DOCK9: variants seen among roughly 807,000 people sequenced by gnomAD.
DOCK9 encodes dedicator of cytokinesis 9.
In DOCK9, 89 loss-of-function variants were observed where a neutral mutation model predicts 263.3. That is an observed-to-expected ratio of 0.34 (90% CI 0.28 to 0.40). DOCK9 has a LOEUF of 0.40. Among genes scored for constraint, DOCK9 ranks in the 10% least tolerant of loss-of-function variants. The probability of loss-of-function intolerance (pLI) is 1.00; values close to 1 mark genes in which losing one functional copy is unlikely to be tolerated. For missense variants in DOCK9, 2,140 were observed against 2,603.4 expected (o/e 0.82, Z 3.87); for synonymous variants, 976 against 973.1 (o/e 1.00, Z -0.06).
At chr13:98,837,440 C>A in intron 39 of DOCK9, 54 bp downstream of exon 39, 1 of 1,267,034 alleles carries the variant, frequency 7.9e-7, no homozygotes, top group Non-Finnish European at 1.1e-6. Flanking sequence ...GCTTACCAAG[C>A]AGAATGAATG....
intron 1 of DOCK9, among the ~76,000 whole-genome samples, chr13:98,975,572 G>A (rs2060191916): frequency 6.6e-6 from 1 of 151,500 alleles, no homozygotes; most frequent in Non-Finnish European, 1.5e-5. Context: ...ATTAATAATG[G>A]TCACCACTGG....
chr13:99,073,605 G>A (rs2041787600), intron 1 of DOCK9, among the ~76,000 whole-genome samples: 2 of 152,132 alleles, frequency 1.3e-5, no homozygotes, highest in Admixed American at 6.5e-5. Context: ...TAAGGCTAGG[G>A]GGTTGGCAGC....
chr13:99,055,425 G>T (rs1372312013), intron 1 of DOCK9, among the ~76,000 whole-genome samples: 1 of 152,196 alleles, frequency 6.6e-6, no homozygotes, highest in East Asian at 1.9e-4. Context: ...GGGAACGTCT[G>T]CGTTGGCTGG....
At chr13:98,967,413 G>A (rs756613525) in intron 1 of DOCK9, among the ~76,000 whole-genome samples, 1 of 152,196 alleles carries the variant, frequency 6.6e-6, no homozygotes, top group African/African-American at 2.4e-5. Flanking sequence ...CTATATGGTT[G>A]CATCATCACC....
chr13:98,802,902 G>A (rs113786310), intron 49 of DOCK9, among the ~76,000 whole-genome samples: 6 of 152,158 alleles, frequency 3.9e-5, no homozygotes, highest in African/African-American at 7.2e-5. Context: ...GCTCAACAGC[G>A]GATGAAATCT....
chr13:98,808,676 C>T, intron 47 of DOCK9: 1 of 1,584,578 alleles, frequency 6.3e-7, no homozygotes, highest in Non-Finnish European at 8.6e-7. Context: ...ACTGGTATTG[C>T]TATAAAGTTA....
chr13:98,902,533 C>A (rs375973007), intron 11 of DOCK9, 42 bp from the exon 12 acceptor site: 1 of 1,577,578 alleles, frequency 6.3e-7, no homozygotes, highest in Non-Finnish European at 8.7e-7. Flanking sequence ...ATGGCTCAAA[C>A]AGGGACAAAA....
At chr13:98,796,196 A>T in intron 52 of DOCK9, 1 of 1,579,412 alleles carries the variant, frequency 6.3e-7, no homozygotes, top group Non-Finnish European at 8.6e-7. Context: ...ATGTTTAAAA[A>T]TGACATTACC....
At chr13:98,819,065 C>T (rs2092096989) in intron 45 of DOCK9, among the ~76,000 whole-genome samples, 1 of 152,198 alleles carries the variant, frequency 6.6e-6, no homozygotes, top group African/African-American at 2.4e-5. Context: ...GCATAATGCA[C>T]ATTTCTACTA....
chr13:99,082,755 A>T (rs1226095698), intron 1 of DOCK9, among the ~76,000 whole-genome samples: 2 of 152,108 alleles, frequency 1.3e-5, no homozygotes, highest in Admixed American at 6.6e-5. Context: ...TAGCTCAATT[A>T]ATCCTTCCAA....
At chr13:99,078,435 G>A (rs1323293355) in intron 1 of DOCK9, among the ~76,000 whole-genome samples, 6 of 152,204 alleles carry the variant, frequency 3.9e-5, no homozygotes, top group Non-Finnish European at 7.3e-5. Context: ...TCCACAGAAC[G>A]GAAGAGGGTG....
rs768099571 is a variant in DOCK9 at position 98,867,915 on chromosome 13, A to AC, written c.3174+12dup. The AC allele has an allele frequency of 6.2e-7, 1 of 1,611,412 alleles. No individual in the cohort carries two copies. Among genetic ancestry groups the AC allele is most frequent in the South Asian group, 1.1e-5 (1 of 90,344 alleles). On this transcript the variant is annotated intron_variant, in intron 29 of 52. Coordinates refer to ENST00000682017, the MANE Select transcript of DOCK9 (RefSeq NM_001366683.2). ...ATGGTGACTTCTGTTACCAGTAACAACCCCCGCACTACCTTTGGGTCTCCA... is the reference window on the plus strand; with the variant it reads ...ATGGTGACTTCTGTTACCAGTAACAACCCCCCGCACTACCTTTGGGTCTCCA...
At chr13:98,973,132 A>G (rs1408718) in intron 1 of DOCK9, among the ~76,000 whole-genome samples, 22,756 of 152,224 alleles carry the variant, frequency 0.15, 2,466 homozygotes, top group East Asian at 0.45. Flanking sequence ...CTTATTAAAT[A>G]TTATTGATGT....
Position 98,999,865 on chromosome 13 carries a change from T to C in DOCK9, c.130-44314A>G, listed in dbSNP as rs576838336. 4.6e-5 allele frequency among the ~76,000 whole-genome samples: 7 copies of C among 152,224 alleles called. No homozygotes were observed. The South Asian group carries it at 1.2e-3, about 27-fold the overall frequency. On this transcript the variant is annotated intron_variant, in intron 1 of 32. Transcript: ENST00000427887. ...CACAACAGCCCAGTCCAAAAGGTGG[T>C]TGAATGCTAAGGGTGAAAAGTGAAA...
chr13:98,855,449 G>A (rs1447107820), intron 34 of DOCK9, among the ~76,000 whole-genome samples: 1 of 152,170 alleles, frequency 6.6e-6, no homozygotes, highest in Non-Finnish European at 1.5e-5. Context: ...GCTTGTGCCT[G>A]TGGTCCCAGC....
In DOCK9 at chr13:98,884,946, G is replaced by T. The variant is rs764266546; in HGVS notation, c.2382+25C>A. On this transcript the variant is annotated intron_variant, in intron 21 of 52. Transcript: ENST00000682017. ...TAATGTTTTCTGAAGAAATTGGGATGACCCAATCTTAAAATGGGACATACC... is the reference window on the plus strand; with the variant it reads ...TAATGTTTTCTGAAGAAATTGGGATTACCCAATCTTAAAATGGGACATACC... 1.3e-5 allele frequency: 21 copies of T among 1,604,330 alleles called. No homozygotes were observed. The South Asian group carries it at 2.3e-4, about 17-fold the overall frequency.
chr13:98,831,325 T>C (rs560311809), intron 41 of DOCK9, 23 bp downstream of exon 41: 2 of 1,587,666 alleles, frequency 1.3e-6, no homozygotes, highest in South Asian at 2.3e-5. Flanking sequence ...TAAATCTGTA[T>C]TGGAAAGCTA....
At chr13:98,920,869 G>C in intron 7 of DOCK9, 85 bp downstream of exon 7, 2 of 1,328,712 alleles carry the variant, frequency 1.5e-6, no homozygotes, top group Non-Finnish European at 2.0e-6. Flanking sequence ...GCCATTTTTG[G>C]AAGTGTTTGC....
chr13:99,049,780 A>G (rs1376863123), intron 1 of DOCK9, among the ~76,000 whole-genome samples: 1 of 152,196 alleles, frequency 6.6e-6, no homozygotes, highest in Non-Finnish European at 1.5e-5. Flanking sequence ...AGTCTCCTAA[A>G]GTGTTGGGAT....
Sources: gnomAD v4.1 joint callset for allele counts (sites outside exome capture counted in the v4.1 genomes callset) on GRCh38, gnomAD v4.1.1 for gene constraint, MANE v1.5 for transcripts, NCBI Gene and HGNC (gene_info 2026-07-23, HGNC 2026-07-21) for gene names.